HPSE2: variants seen among roughly 807,000 people sequenced by gnomAD.
HPSE2 encodes the protein heparanase 2 (inactive).
A neutral mutation model predicts 60.5 loss-of-function variants in HPSE2; 38 were observed. That is an observed-to-expected ratio of 0.63 (90% CI 0.48 to 0.82). The LOEUF (loss-of-function observed/expected upper bound fraction) is 0.82, where lower values mean the gene tolerates loss of function less well. Ranked by LOEUF, HPSE2 falls within the 40% of genes least tolerant of loss-of-function variation. The pLI is 0.00. For missense variants in HPSE2, 713 were observed against 740.4 expected (o/e 0.96, Z 0.43); for synonymous variants, 295 against 293.2 (o/e 1.01, Z -0.06).
intron 3 of HPSE2, among the ~76,000 whole-genome samples, chr10:99,100,674 C>T (rs7477376): frequency 0.46 from 70,234 of 151,862 alleles, 19,112 homozygotes; most frequent in Non-Finnish European, 0.61. Context: ...AACAGCAACT[C>T]CAAGACACAT....
chr10:99,291,779 C>G, the HPSE2 span, among the ~76,000 whole-genome samples: 1 of 152,106 alleles, frequency 6.6e-6, no homozygotes, highest in African/African-American at 2.4e-5. Flanking sequence ...ATCTTCAGAT[C>G]TAGGTTTGCA....
At chr10:99,081,040 C>T (rs1843117318) in intron 3 of HPSE2, among the ~76,000 whole-genome samples, 1 of 152,202 alleles carries the variant, frequency 6.6e-6, no homozygotes, top group Non-Finnish European at 1.5e-5. Flanking sequence ...GTGATCCACC[C>T]ACCTCGGCCT....
intron 3 of HPSE2, among the ~76,000 whole-genome samples, chr10:98,977,950 C>CAT (rs35673991): frequency 0.48 from 72,627 of 150,758 alleles, 19,568 homozygotes; most frequent in East Asian, 0.62. Context: ...TTTATATACC[C>CAT]ATGATTATAT....
chr10:98,666,787 G>A (rs923405146), intron 6 of HPSE2, among the ~76,000 whole-genome samples: 2 of 152,064 alleles, frequency 1.3e-5, no homozygotes, highest in African/African-American at 4.8e-5. Context: ...TAAAGTGGTG[G>A]TAAGAGAAAA....
intron 9 of HPSE2, among the ~76,000 whole-genome samples, chr10:98,514,192 A>G (rs1591297579): frequency 6.6e-6 from 1 of 152,338 alleles, no homozygotes; most frequent in South Asian, 2.1e-4. Context: ...CAAATGTTGT[A>G]TGATTCCACT....
chr10:98,659,865 A>G (rs1277968645), intron 6 of HPSE2, among the ~76,000 whole-genome samples: 1 of 152,240 alleles, frequency 6.6e-6, no homozygotes, highest in East Asian at 1.9e-4. Flanking sequence ...CAATGGGTTC[A>G]CTTAGAGAAG....
intron 3 of HPSE2, among the ~76,000 whole-genome samples, chr10:99,048,801 G>A (rs1957921643): frequency 6.6e-6 from 1 of 152,082 alleles, no homozygotes; most frequent in African/African-American, 2.4e-5. Context: ...CTGTGCTATT[G>A]AGAATAGCAA....
intron 3 of HPSE2, among the ~76,000 whole-genome samples, chr10:98,850,910 T>C (rs1190741992): frequency 6.6e-6 from 1 of 152,202 alleles, no homozygotes; most frequent in East Asian, 1.9e-4. Flanking sequence ...TGTTTCTCCC[T>C]TACTTTGTCT....
the HPSE2 span, among the ~76,000 whole-genome samples, chr10:99,305,979 G>GCACGCACGCACACACACACACACA: frequency 1.2e-5 from 1 of 80,580 alleles, no homozygotes; most frequent in African/African-American, 5.4e-5. Context: ...GCGCGCGCGC[G>GCACGCACGCACACACACACACACA]CACACACACA....
Position 99,173,931 on chromosome 10 carries a change from G to A in HPSE2, c.449-29532C>T, listed in dbSNP as rs959494964. Among the ~76,000 whole-genome samples the A allele has an allele frequency of 7.7e-5, 10 of 129,716 alleles. No individual in the cohort carries two copies. The South Asian group carries it at 9.8e-4, about 13-fold the overall frequency. 85.1% of individuals were successfully genotyped at this position (129,716 alleles called of 152,430 possible). A position where few individuals can be genotyped will look rare whatever the true frequency, so the allele number is the denominator to read the frequency against. On this transcript the variant is annotated intron_variant, in intron 2 of 11. Coordinates refer to ENST00000370552, the MANE Select transcript of HPSE2 (RefSeq NM_021828.5). Reference sequence around the variant, plus strand: ...ACACTCCAGCCTGAGCAACAAGAGCGAGACTCTGTCTCAAAAAAAAAAAAA... The same window carrying A: ...ACACTCCAGCCTGAGCAACAAGAGCAAGACTCTGTCTCAAAAAAAAAAAAA...
chr10:99,200,116 G>A lies in HPSE2; in HGVS notation c.448+32232C>T, dbSNP rs926176234. ...AAAGAAATGCAACTGATTTTTGTAT[G>A]GTAATTTTGTATCTACAACTTTACT... On this transcript the variant is annotated intron_variant, in intron 2 of 11. Transcript: ENST00000370552. Among the ~76,000 whole-genome samples the A allele has an allele frequency of 6.6e-5, 10 of 151,952 alleles. No individual in the cohort carries two copies. In the East Asian group the frequency reaches 1.9e-3, roughly 29 times the overall value.
chr10:98,825,495 T>C (rs1951521687), intron 3 of HPSE2, among the ~76,000 whole-genome samples: 1 of 152,004 alleles, frequency 6.6e-6, no homozygotes, highest in Non-Finnish European at 1.5e-5. Flanking sequence ...CCCTAACATC[T>C]GAACCTAGTC....
intron 7 of HPSE2, among the ~76,000 whole-genome samples, chr10:98,641,162 T>C (rs1237709600): frequency 6.6e-6 from 1 of 152,212 alleles, no homozygotes; most frequent in Non-Finnish European, 1.5e-5. Context: ...TTTCACTGAA[T>C]GAATATAATC....
chr10:98,532,009 G>C (rs896343055), intron 9 of HPSE2, among the ~76,000 whole-genome samples: 1 of 152,004 alleles, frequency 6.6e-6, no homozygotes, highest in Non-Finnish European at 1.5e-5. Flanking sequence ...TATATTTTAA[G>C]GTAAATTAGC....
chr10:98,632,722 C>A (rs1946396098), intron 7 of HPSE2, among the ~76,000 whole-genome samples: 1 of 152,138 alleles, frequency 6.6e-6, no homozygotes, highest in African/African-American at 2.4e-5. Flanking sequence ...CTAAGAAGGG[C>A]TCTGCTAATG....
chr10:99,212,982 G>A (rs991084246), intron 2 of HPSE2, among the ~76,000 whole-genome samples: 1 of 151,948 alleles, frequency 6.6e-6, no homozygotes, highest in African/African-American at 2.4e-5. Context: ...AAGAAATTAG[G>A]GCCATTGACT....
intron 2 of HPSE2, among the ~76,000 whole-genome samples, chr10:99,173,536 C>G (rs769078038): frequency 6.6e-6 from 1 of 152,018 alleles, no homozygotes; most frequent in Non-Finnish European, 1.5e-5. Context: ...ATTTGAGGAA[C>G]TTTAGTAAAT....
chr10:98,700,097 C>T (rs1474002339), intron 5 of HPSE2, among the ~76,000 whole-genome samples: 3 of 151,012 alleles, frequency 2.0e-5, no homozygotes, highest in African/African-American at 7.3e-5. Context: ...AATGCCATCC[C>T]CATCAAGCTA....
At chr10:99,235,405 G>C (rs928394845) in intron 1 of HPSE2, 108 bp downstream of exon 1, 49 of 1,032,616 alleles carry the variant, frequency 4.7e-5, no homozygotes, top group Non-Finnish European at 3.0e-6. Flanking sequence ...CTCTTTGAGA[G>C]ATCTGCTTGG....
Sources: allele counts gnomAD v4.1 joint callset (sites outside exome capture counted in the v4.1 genomes callset), GRCh38; gene constraint gnomAD v4.1.1; transcripts MANE v1.5; gene names NCBI Gene and HGNC (gene_info 2026-07-23, HGNC 2026-07-21).